Variants in EML6 observed in about 807,000 individuals in gnomAD.
EML6 encodes EMAP like 6, also known as echinoderm microtubule-associated protein-like 6.
In EML6, 154 loss-of-function variants were observed where a neutral mutation model predicts 240.1. That is an observed-to-expected ratio of 0.64 (90% CI 0.56 to 0.73). EML6 has a LOEUF of 0.73. EML6 is among the 30% of genes least tolerant of loss of function. EML6 has a pLI of 0.00. For missense variants in EML6, 2,964 were observed against 2,474.6 expected (o/e 1.20, Z -4.20); for synonymous variants, 1,148 against 899.0 (o/e 1.28, Z -4.95).
At position 54,827,540 on chromosome 2, in the gene EML6, G is replaced by T. The variant is rs772130170; in HGVS notation, c.526-26G>T. On this transcript the variant is annotated intron_variant, in intron 5 of 41. Transcript: ENST00000356458. The stretch of plus-strand genomic sequence containing the variant: ...ATACATCCGAATACTCTATCTTGGA[G>T]ATCTATTTTATCACTTACATTGTAG... The T allele has an allele frequency of 1.1e-5, 17 of 1,532,482 alleles. No homozygotes were observed. The African/African-American group carries it at 1.9e-4, about 17-fold the overall frequency. 94.9% of individuals were successfully genotyped at this position (1,532,482 alleles called of 1,614,324 possible).
At chr2:54,906,783 A>G (rs970441982) in intron 24 of EML6, among the ~76,000 whole-genome samples, 1 of 152,160 alleles carries the variant, frequency 6.6e-6, no homozygotes, top group African/African-American at 2.4e-5. Flanking sequence ...TGCATTCCCA[A>G]CACCTCAGTC....
intron 28 of EML6, among the ~76,000 whole-genome samples, chr2:54,944,310 C>A (rs1675574520): frequency 6.6e-6 from 1 of 152,186 alleles, no homozygotes; most frequent in South Asian, 2.1e-4. Flanking sequence ...CATGATACAA[C>A]CATCTGTCCA....
intron 2 of EML6, among the ~76,000 whole-genome samples, chr2:54,767,794 AT>A (rs1375537992): frequency 7.9e-5 from 12 of 151,688 alleles, no homozygotes; most frequent in Non-Finnish European, 1.5e-4. Flanking sequence ...TAATTTTTGT[AT>A]TTTTTTGTAG....
intron 2 of EML6, among the ~76,000 whole-genome samples, chr2:54,773,497 C>T (rs748810530): frequency 6.6e-6 from 1 of 152,222 alleles, no homozygotes; most frequent in African/African-American, 2.4e-5. Flanking sequence ...TTTCTTCCAC[C>T]CCTCATCATT....
rs112414763 is a variant in EML6 at position 54,828,449 on chromosome 2, T to C, written c.711+698T>C. Among the ~76,000 whole-genome samples, 1,519 of 152,354 alleles carry C rather than the reference T, an allele frequency of 1.0e-2. 13 individuals are homozygous for C. Among genetic ancestry groups the C allele is most frequent in the Non-Finnish European group, 0.014 (932 of 68,034 alleles). ...ATGATGTAAAAGGCAAAGCCTATCA[T>C]AGTGAATGGAAATTGGGTAAAGATG... On this transcript the variant is annotated intron_variant, in intron 6 of 41. Transcript: ENST00000356458.
intron 12 of EML6, among the ~76,000 whole-genome samples, chr2:54,862,368 TTC>T (rs2103849942): frequency 7.8e-6 from 1 of 128,946 alleles, no homozygotes; most frequent in South Asian, 2.5e-4. Context: ...AAAAAAAACT[TTC>T]TCTGAAGAGT....
At chr2:54,830,678 A>G (rs1423365613) in intron 7 of EML6, among the ~76,000 whole-genome samples, 3 of 152,206 alleles carry the variant, frequency 2.0e-5, no homozygotes, top group South Asian at 2.1e-4. Flanking sequence ...TAGACGGCAT[A>G]TCCTTCAGGC....
intron 26 of EML6, among the ~76,000 whole-genome samples, chr2:54,926,716 C>T (rs1196470201): frequency 1.3e-5 from 2 of 152,216 alleles, no homozygotes; most frequent in Non-Finnish European, 1.5e-5. Context: ...AATCTTGAAT[C>T]ACCCACTGCT....
At position 54,879,646 on chromosome 2, in the gene EML6, A is replaced by C. The variant is rs779486875; in HGVS notation, c.2438+6A>C. The stretch of plus-strand genomic sequence containing the variant: ...GAAAAGATAGCCACAACAAGGTAAG[A>C]AGCTGCCGGGATCTTACGGTATCCT... On this transcript the variant is annotated splice_donor_region_variant and intron_variant, in intron 17 of 41. Transcript: ENST00000356458. 2 of 1,523,430 alleles carry C rather than the reference A, an allele frequency of 1.3e-6. No individual in the cohort carries two copies. Among genetic ancestry groups the C allele is most frequent in the African/African-American group, 2.8e-5 (2 of 72,438 alleles). 94.4% of individuals were successfully genotyped at this position (1,523,430 alleles called of 1,614,324 possible).
Position 54,971,726 on chromosome 2 carries a change from ATCTTGTACTAGAC to A in EML6, c.*1636_*1648del, listed in dbSNP as rs1677022821. ...TGCAGAGTGATAACCATGTCTGCCTATCTTGTACTAGACTCTTCATGCTGATCGGATCTTGCAT... is the reference window on the plus strand; with the variant it reads ...TGCAGAGTGATAACCATGTCTGCCTATCTTCATGCTGATCGGATCTTGCAT... On this transcript the variant is annotated 3_prime_UTR_variant, in exon 42 of 42. Transcript: ENST00000356458. 6.6e-6 allele frequency: 1 copy of A among 152,204 alleles called. No individual in the cohort carries two copies. The allele number at this position is 152,204 out of a possible 1,614,324, so 9.4% of individuals were successfully genotyped here.
chr2:54,926,194 C>T (rs1460543498), intron 26 of EML6, among the ~76,000 whole-genome samples: 1 of 152,166 alleles, frequency 6.6e-6, no homozygotes, highest in African/African-American at 2.4e-5. Context: ...CTCTGCCTCC[C>T]AGGTTCAAGC....
At chr2:54,777,376 C>G (rs911940380) in intron 2 of EML6, among the ~76,000 whole-genome samples, 1 of 152,152 alleles carries the variant, frequency 6.6e-6, no homozygotes. Context: ...TGACTCTGAG[C>G]TTGGACTTTT....
chr2:54,790,052 G>A (rs1188626760), intron 2 of EML6, among the ~76,000 whole-genome samples: 3 of 152,172 alleles, frequency 2.0e-5, no homozygotes, highest in African/African-American at 7.2e-5. Context: ...ACAAGAGGGA[G>A]ATCTAAGAAT....
At chr2:54,929,219 A>C (rs761225617) in intron 28 of EML6, among the ~76,000 whole-genome samples, 1 of 152,180 alleles carries the variant, frequency 6.6e-6, no homozygotes, top group Non-Finnish European at 1.5e-5. Flanking sequence ...ATCTTCTCTT[A>C]CTGTGTCTTC....
chr2:54,836,910 A>T (rs1669180981), intron 7 of EML6, among the ~76,000 whole-genome samples: 1 of 152,100 alleles, frequency 6.6e-6, no homozygotes, highest in South Asian at 2.1e-4. Context: ...TTACCCTTAG[A>T]ACATCAGAAG....
At chr2:54,760,355 C>T (rs1385233613) in intron 2 of EML6, among the ~76,000 whole-genome samples, 5 of 152,098 alleles carry the variant, frequency 3.3e-5, no homozygotes. Flanking sequence ...AAGAACATAA[C>T]AGAGTATTGC....
At chr2:54,945,333 A>G (rs999309992) in intron 28 of EML6, among the ~76,000 whole-genome samples, 3 of 137,146 alleles carry the variant, frequency 2.2e-5, no homozygotes, top group African/African-American at 8.3e-5. Flanking sequence ...TTCCCAAGAC[A>G]TTCTAAAACC....
At chr2:54,968,047 AT>A in intron 39 of EML6, 80 bp from the exon 40 acceptor site, 1 of 1,357,244 alleles carries the variant, frequency 7.4e-7, no homozygotes, top group South Asian at 1.3e-5. Flanking sequence ...TCTCTTCCTT[AT>A]CCCTGGGAGG....
At chr2:54,868,356 T>C (rs1671079611) in intron 14 of EML6, 1 of 152,222 alleles carries the variant, frequency 6.6e-6, no homozygotes, top group South Asian at 2.1e-4. Context: ...TTGGAAATTA[T>C]TTTAATATGA....
Sources: gnomAD v4.1 joint callset for allele counts (sites outside exome capture counted in the v4.1 genomes callset) on GRCh38, gnomAD v4.1.1 for gene constraint, MANE v1.5 for transcripts, NCBI Gene and HGNC (gene_info 2026-07-23, HGNC 2026-07-21) for gene names.